SYNPR: variants seen among roughly 807,000 people sequenced by gnomAD.
SYNPR encodes the protein synaptoporin.
Under a neutral mutation model 32.9 loss-of-function variants are expected in SYNPR, and 23 were observed. The ratio of observed to expected loss-of-function variants is 0.70; its 90% confidence interval spans 0.50 to 0.99. The LOEUF (loss-of-function observed/expected upper bound fraction) is 0.99, where lower values mean the gene tolerates loss of function less well. Ranked by LOEUF, SYNPR falls within the 50% of genes least tolerant of loss-of-function variation. SYNPR has a pLI of 0.00. For synonymous variants in SYNPR, 146 were observed against 135.9 expected, an observed-to-expected ratio of 1.07 and a Z score of -0.52; for missense variants, 318 against 349.3, an observed-to-expected ratio of 0.91 and a Z score of 0.71.
chr3:63,246,197 C>T (rs895988066), intron 1 of SYNPR, among the ~76,000 whole-genome samples: 2 of 152,064 alleles, frequency 1.3e-5, no homozygotes, highest in Non-Finnish European at 2.9e-5. Context: ...GCTTTAATAG[C>T]AGGCACTGAC....
intron 2 of SYNPR, among the ~76,000 whole-genome samples, chr3:63,478,423 TA>T (rs921180184): frequency 2.0e-5 from 3 of 152,212 alleles, no homozygotes; most frequent in Admixed American, 2.0e-4. Flanking sequence ...TATGTTATTC[TA>T]CCATATCTTT....
At chr3:63,554,645 T>C (rs1467551095) in intron 3 of SYNPR, among the ~76,000 whole-genome samples, 3 of 152,204 alleles carry the variant, frequency 2.0e-5, no homozygotes, top group African/African-American at 4.8e-5. Context: ...GGTATTGTGA[T>C]GTCTCCAGCT....
intron 2 of SYNPR, among the ~76,000 whole-genome samples, chr3:63,264,065 G>T (rs1253049362): frequency 6.6e-6 from 1 of 152,108 alleles, no homozygotes; most frequent in Non-Finnish European, 1.5e-5. Context: ...GTCATCTAAG[G>T]CCTAAGTCTG....
intron 3 of SYNPR, among the ~76,000 whole-genome samples, chr3:63,520,201 C>G (rs1701879309): frequency 6.6e-6 from 1 of 152,106 alleles, no homozygotes; most frequent in Admixed American, 6.6e-5. Flanking sequence ...AAATAGGTAG[C>G]TTTTGTATTT....
At chr3:63,304,287 C>T (rs980673398) in intron 2 of SYNPR, among the ~76,000 whole-genome samples, 1 of 151,770 alleles carries the variant, frequency 6.6e-6, no homozygotes, top group African/African-American at 2.4e-5. Context: ...AGTCCAGCTC[C>T]CCAAACAGTA....
intron 2 of SYNPR, among the ~76,000 whole-genome samples, chr3:63,375,796 T>G (rs975686468): frequency 2.6e-5 from 4 of 152,202 alleles, no homozygotes; most frequent in African/African-American, 7.2e-5. Flanking sequence ...TGTCAGTGTG[T>G]CCAAAATGTC....
At chr3:63,370,086 T>C (rs145023635) in intron 2 of SYNPR, among the ~76,000 whole-genome samples, 28 of 152,288 alleles carry the variant, frequency 1.8e-4, no homozygotes, top group African/African-American at 6.5e-4. Flanking sequence ...TAATCCACAT[T>C]CTTTCTGATT....
intron 3 of SYNPR, among the ~76,000 whole-genome samples, chr3:63,529,113 C>T (rs942538655): frequency 3.3e-5 from 5 of 152,210 alleles, no homozygotes; most frequent in South Asian, 2.1e-4. Flanking sequence ...TTTTTTCCCG[C>T]ATTTATACAC....
the SYNPR span, among the ~76,000 whole-genome samples, chr3:63,209,696 C>A: frequency 6.6e-6 from 1 of 152,166 alleles, no homozygotes; most frequent in Non-Finnish European, 1.5e-5. Flanking sequence ...TTTTCCTTAA[C>A]CCTCACATAT....
intron 2 of SYNPR, chr3:63,452,097 T>C (rs924928076): frequency 5.7e-6 from 4 of 702,176 alleles, no homozygotes; most frequent in Non-Finnish European, 1.0e-5. Context: ...ACGTTTTTTC[T>C]CTGGATCTCT....
chr3:63,286,492 A>C (rs1343580345), intron 2 of SYNPR, among the ~76,000 whole-genome samples: 2 of 152,270 alleles, frequency 1.3e-5, no homozygotes, highest in East Asian at 1.9e-4. Flanking sequence ...CCCCATAGAA[A>C]CTGGGGAAAA....
chr3:63,262,530 G>T (rs1333149603), intron 2 of SYNPR, among the ~76,000 whole-genome samples: 1 of 152,152 alleles, frequency 6.6e-6, no homozygotes, highest in Non-Finnish European at 1.5e-5. Context: ...GGACACTGAT[G>T]GTGAGAATAG....
chr3:63,611,195 C>G (rs1000594328), intron 5 of SYNPR, among the ~76,000 whole-genome samples: 1 of 152,114 alleles, frequency 6.6e-6, no homozygotes, highest in South Asian at 2.1e-4. Context: ...CTTGATGAAA[C>G]CTGAAGAAAC....
chr3:63,426,054 G>A (rs1699887992), intron 2 of SYNPR, among the ~76,000 whole-genome samples: 1 of 152,040 alleles, frequency 6.6e-6, no homozygotes, highest in South Asian at 2.1e-4. Context: ...CAAAGTGCTG[G>A]AATTACGGGC....
chr3:63,299,721 G>C (rs1575590664), intron 2 of SYNPR, among the ~76,000 whole-genome samples: 2 of 152,162 alleles, frequency 1.3e-5, no homozygotes, highest in South Asian at 4.1e-4. Flanking sequence ...TTAACCAAAT[G>C]ACATTGATAC....
rs1310073878 is a variant in SYNPR, at chr3:63,606,423, T to TTTC, written c.409-2700_409-2699insCTT. On this transcript the variant is annotated intron_variant, in intron 4 of 5. Transcript: ENST00000478300. ...GCAGGACCTCAAATCCTTTCTTTTT[T>TTTC]TTTTTTTTTTTTTTTTAGCAATGAG... Among the ~76,000 whole-genome samples, 290 of 117,552 alleles carry TTTC rather than the reference T, an allele frequency of 2.5e-3. 12 individuals carry two copies. Among genetic ancestry groups the TTTC allele is most frequent in the Non-Finnish European group, 3.8e-3 (234 of 60,814 alleles). 77.1% of individuals were successfully genotyped at this position (117,552 alleles called of 152,430 possible).
intron 2 of SYNPR, among the ~76,000 whole-genome samples, chr3:63,260,019 C>T (rs150206537): frequency 0.011 from 1,741 of 152,016 alleles, 30 homozygotes; most frequent in African/African-American, 0.038. Flanking sequence ...ACAAGGGACG[C>T]GAAGGACCTC....
At chr3:63,577,859 ATT>A (rs908561020) in intron 4 of SYNPR, among the ~76,000 whole-genome samples, 5 of 152,138 alleles carry the variant, frequency 3.3e-5, no homozygotes, top group Non-Finnish European at 4.4e-5. Context: ...GGAGACGGGT[ATT>A]AGCAAGCCTG....
intron 2 of SYNPR, among the ~76,000 whole-genome samples, chr3:63,350,869 A>T (rs956761436): frequency 8.5e-5 from 13 of 152,172 alleles, no homozygotes; most frequent in African/African-American, 4.8e-5. Context: ...CGAGCCCATC[A>T]GTTAGTGACT....
Sources: gnomAD v4.1 joint callset for allele counts (sites outside exome capture counted in the v4.1 genomes callset) on GRCh38, gnomAD v4.1.1 for gene constraint, MANE v1.5 for transcripts, NCBI Gene and HGNC (gene_info 2026-07-23, HGNC 2026-07-21) for gene names.